Variants in ZNF407 observed in about 807,000 individuals in gnomAD.
ZNF407 encodes zinc finger protein 407.
ZNF407 carries 17 observed loss-of-function variants against 131.2 expected under a neutral mutation model. The ratio of observed to expected loss-of-function variants is 0.13; its 90% CI spans 0.09 to 0.19. The LOEUF (loss-of-function observed/expected upper bound fraction) is 0.19. Among genes scored for constraint, ZNF407 ranks in the 10% least tolerant of loss-of-function variants. The probability of loss-of-function intolerance (pLI) is 1.00; values close to 1 mark genes in which losing one functional copy is unlikely to be tolerated. For synonymous variants in ZNF407, 1,156 were observed against 1,062.0 expected (o/e 1.09, Z -1.72); for missense variants, 2,681 against 2,830.6 (o/e 0.95, Z 1.20).
chr18:75,057,913 T>C (rs1195423216), intron 8 of ZNF407, among the ~76,000 whole-genome samples: 1 of 152,230 alleles, frequency 6.6e-6, no homozygotes, highest in African/African-American at 2.4e-5. Context: ...TTTTATTTTT[T>C]TCATTCGGGT....
chr18:74,937,129 T>C (rs1442984942), intron 8 of ZNF407, among the ~76,000 whole-genome samples: 1 of 152,228 alleles, frequency 6.6e-6, no homozygotes, highest in Non-Finnish European at 1.5e-5. Context: ...ATGACCTGTA[T>C]AGAGCATCTG....
At chr18:74,846,512 G>A (rs1172285412) in intron 4 of ZNF407, among the ~76,000 whole-genome samples, 1 of 150,972 alleles carries the variant, frequency 6.6e-6, no homozygotes, top group Non-Finnish European at 1.5e-5. Flanking sequence ...GCTAATTTTT[G>A]TATTAGTAGA....
chr18:75,015,765 C>T (rs902344912), intron 8 of ZNF407, among the ~76,000 whole-genome samples: 1 of 151,662 alleles, frequency 6.6e-6, no homozygotes, highest in African/African-American at 2.4e-5. Flanking sequence ...AAAAAAATAA[C>T]ACTAGATTTA....
rs550391143 is a variant in ZNF407 at position 74,805,889 on chromosome 18, C to T, written c.4877+24387C>T. On this transcript the variant is annotated intron_variant, in intron 4 of 8. Transcript: ENST00000299687. Reference sequence around the variant, plus strand: ...CGTTGTGTGAGAAAATTGAGATACTCCTACTTGACTTCTCGACTCGTCCTC... The same window carrying T: ...CGTTGTGTGAGAAAATTGAGATACTTCTACTTGACTTCTCGACTCGTCCTC... Among the ~76,000 whole-genome samples, 100 of 152,326 alleles carry T rather than the reference C, an allele frequency of 6.6e-4. 2 individuals are homozygous for T. The highest frequency in any genetic ancestry group is 6.1e-3 in the Admixed American group (94 of 15,310).
intron 8 of ZNF407, among the ~76,000 whole-genome samples, chr18:75,000,771 G>T (rs1320541136): frequency 6.6e-6 from 1 of 151,988 alleles, no homozygotes; most frequent in African/African-American, 2.4e-5. Context: ...ACCTGCCTAT[G>T]TGCTCAACCT....
chr18:74,825,621 C>T (rs1440645142), intron 4 of ZNF407, among the ~76,000 whole-genome samples: 2 of 152,034 alleles, frequency 1.3e-5, no homozygotes, highest in Non-Finnish European at 2.9e-5. Flanking sequence ...AAAATGTATG[C>T]CAATAGGAAA....
At chr18:74,598,864 G>A (rs911208826) in intron 1 of ZNF407, among the ~76,000 whole-genome samples, 1 of 152,266 alleles carries the variant, frequency 6.6e-6, no homozygotes, top group Non-Finnish European at 1.5e-5. Context: ...GTTGCGCTGG[G>A]TTTTGAGTAG....
intron 4 of ZNF407, among the ~76,000 whole-genome samples, chr18:74,793,791 G>A (rs1304491658): frequency 6.6e-6 from 1 of 152,180 alleles, no homozygotes; most frequent in Non-Finnish European, 1.5e-5. Flanking sequence ...TGACCATGTT[G>A]TCGGGAAGCA....
intron 8 of ZNF407, among the ~76,000 whole-genome samples, chr18:74,980,633 A>G (rs139627336): frequency 3.9e-5 from 6 of 152,312 alleles, no homozygotes; most frequent in African/African-American, 1.2e-4. Flanking sequence ...ATTCTCTACT[A>G]AGAATTCTTT....
rs78733384 is a variant in ZNF407, at chr18:75,013,288, A to G, written c.5429-49862A>G. On this transcript the variant is annotated intron_variant, in intron 8 of 8. Transcript: ENST00000299687. ...AGAAACTCGTTTTTCTCTTTCTTAGAAAAGACATGATGTTTCACAGCAGGA... is the reference window on the plus strand; with the variant it reads ...AGAAACTCGTTTTTCTCTTTCTTAGGAAAGACATGATGTTTCACAGCAGGA... 1.8e-3 allele frequency among the ~76,000 whole-genome samples: 271 copies of G among 152,226 alleles called. 11 individuals carry two copies. The East Asian group carries it at 0.031, about 17-fold the overall frequency.
intron 3 of ZNF407, among the ~76,000 whole-genome samples, chr18:74,709,363 G>A (rs771970475): frequency 9.2e-5 from 14 of 152,126 alleles, no homozygotes; most frequent in Non-Finnish European, 1.6e-4. Context: ...AATCCATAAT[G>A]TATCTTCTTT....
chr18:75,025,876 G>A (rs1044450221), intron 8 of ZNF407, among the ~76,000 whole-genome samples: 1 of 152,206 alleles, frequency 6.6e-6, no homozygotes, highest in Non-Finnish European at 1.5e-5. Context: ...AAACCTGGAT[G>A]TTCTTCAAAT....
At chr18:74,841,098 C>T (rs998530423) in intron 4 of ZNF407, among the ~76,000 whole-genome samples, 5 of 152,246 alleles carry the variant, frequency 3.3e-5, no homozygotes, top group African/African-American at 7.2e-5. Flanking sequence ...CTTCGCAAGG[C>T]GTGCCCCCTC....
chr18:74,799,866 C>T (rs1397991957), intron 4 of ZNF407, among the ~76,000 whole-genome samples: 2 of 140,272 alleles, frequency 1.4e-5, no homozygotes, highest in African/African-American at 5.4e-5. Flanking sequence ...TTCTTAGGTT[C>T]TATTGCAGCA....
At chr18:75,016,990 C>T (rs1327720828) in intron 8 of ZNF407, among the ~76,000 whole-genome samples, 1 of 152,102 alleles carries the variant, frequency 6.6e-6, no homozygotes, top group Non-Finnish European at 1.5e-5. Flanking sequence ...CTTCCACCAT[C>T]TGAAAACAGG....
chr18:74,850,748 C>G (rs1289035951), intron 4 of ZNF407, among the ~76,000 whole-genome samples: 2 of 152,180 alleles, frequency 1.3e-5, no homozygotes, highest in Admixed American at 6.5e-5. Context: ...ATGTAGCAGC[C>G]CCTTACTTGC....
chr18:75,035,387 T>G (rs1221815669), intron 8 of ZNF407, among the ~76,000 whole-genome samples: 1 of 152,232 alleles, frequency 6.6e-6, no homozygotes, highest in Non-Finnish European at 1.5e-5. Context: ...TTCCATCATT[T>G]TATTACGATA....
intron 3 of ZNF407, among the ~76,000 whole-genome samples, chr18:74,772,005 A>G (rs903984393): frequency 6.6e-6 from 1 of 152,178 alleles, no homozygotes; most frequent in Non-Finnish European, 1.5e-5. Context: ...CTTACTTTCT[A>G]TGAGGCTATA....
chr18:74,622,376 T>C (rs1983549905), intron 1 of ZNF407, among the ~76,000 whole-genome samples: 1 of 152,236 alleles, frequency 6.6e-6, no homozygotes, highest in Admixed American at 6.5e-5. Flanking sequence ...CCTCTTACCT[T>C]GCGCAGCCAT....
Sources: allele counts gnomAD v4.1 joint callset (sites outside exome capture counted in the v4.1 genomes callset), GRCh38; gene constraint gnomAD v4.1.1; transcripts MANE v1.5; gene names NCBI Gene and HGNC (gene_info 2026-07-23, HGNC 2026-07-21).